SLC9A3: variants seen among roughly 807,000 people sequenced by gnomAD.
SLC9A3 encodes the protein solute carrier family 9 member A3.
A neutral mutation model predicts 86.8 loss-of-function variants in SLC9A3; 37 were observed. That is an observed-to-expected ratio of 0.43 (90% CI 0.33 to 0.56). The LOEUF (loss-of-function observed/expected upper bound fraction) is 0.56. Among genes scored for constraint, SLC9A3 ranks in the 20% least tolerant of loss-of-function variants. The probability of loss-of-function intolerance (pLI) is 0.06; values close to 1 mark genes in which losing one functional copy is unlikely to be tolerated. For synonymous variants in SLC9A3, 581 were observed against 528.3 expected, an observed-to-expected ratio of 1.10 and a Z score of -1.37; for missense variants, 1,011 against 1,171.9, an observed-to-expected ratio of 0.86 and a Z score of 2.00.
intron 6 of SLC9A3, 118 bp downstream of exon 6, chr5:483,144 C>T (rs934391708): frequency 7.5e-6 from 6 of 804,304 alleles, no homozygotes; most frequent in African/African-American, 5.2e-5. Flanking sequence ...AGGTCCTCTC[C>T]TCTGCCTTGC....
chr5:472,810 A>G lies in SLC9A3; in HGVS notation c.*569T>C. The stretch of plus-strand genomic sequence containing the variant: ...CGGGAGGTCCCTGAGTCGGTCCCCG[A>G]GTCAGTCCCCGGGCGCGGGGCTCGG... On this transcript the variant is annotated 3_prime_UTR_variant, in exon 17 of 17. Coordinates refer to ENST00000264938, the MANE Select transcript of SLC9A3 (RefSeq NM_004174.4). The G allele has an allele frequency of 1.8e-6, 1 of 567,740 alleles. No individual in the cohort carries two copies. The highest frequency in any genetic ancestry group is 3.3e-6 in the Non-Finnish European group (1 of 300,106). The allele number at this position is 567,740 out of a possible 1,614,324, so 35.2% of individuals were successfully genotyped here. A position where few individuals can be genotyped will look rare whatever the true frequency, so the allele number is the denominator to read the frequency against.
intron 1 of SLC9A3, among the ~76,000 whole-genome samples, chr5:493,151 C>G (rs1019519960): frequency 6.6e-6 from 1 of 151,674 alleles, no homozygotes; most frequent in Non-Finnish European, 1.5e-5. Flanking sequence ...TTCCTGCGCT[C>G]GGCCTGATTT....
rs541825112 is a variant in SLC9A3 at position 473,262 on chromosome 5, G to A, written c.*117C>T. On this transcript the variant is annotated 3_prime_UTR_variant, in exon 17 of 17. Coordinates refer to ENST00000264938, the MANE Select transcript of SLC9A3 (RefSeq NM_004174.4). Reference sequence around the variant, plus strand: ...TGGCGTGGGCGAGGCGGGGCTCGGGGCTCGCGGTCGCTGTAGCCGCGCGGG... The same window carrying A: ...TGGCGTGGGCGAGGCGGGGCTCGGGACTCGCGGTCGCTGTAGCCGCGCGGG... 16,870 of 1,125,796 alleles carry A rather than the reference G, an allele frequency of 0.015. 319 individuals carry two copies. The highest frequency in any genetic ancestry group is 0.063 in the Admixed American group (1,474 of 23,216). 69.7% of individuals were successfully genotyped at this position (1,125,796 alleles called of 1,614,324 possible).
Position 473,146 on chromosome 5 carries a change from G to GCCCCGCCCCCGGCGCAGA in SLC9A3, c.*232_*233insTCTGCGCCGGGGGCGGGG. The GCCCCGCCCCCGGCGCAGA allele has an allele frequency of 6.1e-6, 2 of 330,560 alleles. No homozygotes were observed. Among genetic ancestry groups the GCCCCGCCCCCGGCGCAGA allele is most frequent in the East Asian group, 5.8e-5 (1 of 17,200 alleles). The allele number at this position is 330,560 out of a possible 1,614,324, so 20.5% of individuals were successfully genotyped here. A position where few individuals can be genotyped will look rare whatever the true frequency, so the allele number is the denominator to read the frequency against. On this transcript the variant is annotated 3_prime_UTR_variant, in exon 17 of 17. Transcript: ENST00000264938. Reference sequence around the variant, plus strand: ...GCACTCGGCAGCCCTCGGCGCTCCGGCCCCGCCCCCGGCGCAGGCCCCGCC... The same window carrying GCCCCGCCCCCGGCGCAGA: ...GCACTCGGCAGCCCTCGGCGCTCCGGCCCCGCCCCCGGCGCAGACCCCGCCCCCGGCGCAGGCCCCGCC...
chr5:483,452 C>A lies in SLC9A3; in HGVS notation c.963G>T (p.Lys321Asn). ...GCTCCGAGATGTTGGCCTTCACATA[C>A]TTCTGACAGCAGATGCCACAGAAGG... ...AITFCGICCQ[K>N]YVKANISEQS... is the part of the protein sequence containing the mutation. Residue 321 changes from lysine to asparagine, a missense_variant, in exon 6 of 17, where the codon AAG becomes AAT. Transcript: ENST00000264938. 3 of 1,584,108 alleles carry A rather than the reference C, an allele frequency of 1.9e-6. No individual in the cohort carries two copies. The highest frequency in any genetic ancestry group is 1.3e-5 in the African/African-American group (1 of 74,460).
chr5:522,846 G>A (rs1733924288), intron 1 of SLC9A3, among the ~76,000 whole-genome samples: 1 of 152,110 alleles, frequency 6.6e-6, no homozygotes, highest in African/African-American at 2.4e-5. Context: ...GGCGGCCGCA[G>A]AGCCCAGGTT....
rs74925751 is a variant in SLC9A3, at chr5:497,975, G to C, written c.212-5904C>G. 6.6e-6 allele frequency among the ~76,000 whole-genome samples: 1 copy of C among 152,158 alleles called. No homozygotes were observed. Among genetic ancestry groups the C allele is most frequent in the Non-Finnish European group, 1.5e-5 (1 of 68,040 alleles). ...TGGTCAGCTATGAAGCCTTAGCCTC[G>C]CTTGTGGGAGTCCCTGCCTCACGGA... On this transcript the variant is annotated intron_variant, in intron 1 of 16. Coordinates refer to ENST00000264938, the MANE Select transcript of SLC9A3 (RefSeq NM_004174.4). The surrounding 1 kb of genome is among the most constrained non-coding windows in gnomAD (Gnocchi z 5.4).
At chr5:508,449 G>A (rs1157643797) in intron 1 of SLC9A3, among the ~76,000 whole-genome samples, 5 of 135,368 alleles carry the variant, frequency 3.7e-5, no homozygotes, top group African/African-American at 1.1e-4. Flanking sequence ...CCCATAGCGC[G>A]CCTGGGATGG....
At chr5:503,861 T>C (rs2126642413) in intron 1 of SLC9A3, among the ~76,000 whole-genome samples, 1 of 152,374 alleles carries the variant, frequency 6.6e-6, no homozygotes, top group East Asian at 1.9e-4. Context: ...TGGTTTCTCC[T>C]GAATCGGCGA....
At chr5:480,169 G>A (rs1199564523) in intron 9 of SLC9A3, 9 of 554,144 alleles carry the variant, frequency 1.6e-5, no homozygotes, top group East Asian at 9.6e-5. Context: ...GCCGTTAGAC[G>A]CATATGAAAC....
At position 482,114 on chromosome 5, in the gene SLC9A3, CT is replaced by C. The variant is rs764398382; in HGVS notation, c.1399del (p.Arg467GlyfsTer54). 6.2e-7 allele frequency: 1 copy of C among 1,610,616 alleles called. No individual in the cohort carries two copies. Among genetic ancestry groups the C allele is most frequent in the East Asian group, 2.2e-5 (1 of 44,674 alleles). The stretch of plus-strand genomic sequence containing the variant: ...GAGCCGAGGTTCCCGGTGCTCGCTC[CT>C]CTTCACCTTCAGCCACTGCACCAGA... ...KPLVQWLKVKRSEHREPRLNE... is the reference protein window; with the variant it reads ...KPLVQWLKVKXSEHREPRLNE... On this transcript the variant is annotated frameshift_variant, in exon 8 of 17. Coordinates refer to ENST00000264938, the MANE Select transcript of SLC9A3 (RefSeq NM_004174.4). LOFTEE classifies it high-confidence loss of function.
At chr5:476,512 G>T in intron 12 of SLC9A3, 31 bp downstream of exon 12, 3 of 1,607,220 alleles carry the variant, frequency 1.9e-6, no homozygotes, top group Non-Finnish European at 2.5e-6. Context: ...GTCCCTGCGG[G>T]GTCCTCCAGC....
chr5:509,630 C>A (rs952523564), intron 1 of SLC9A3, among the ~76,000 whole-genome samples: 6 of 152,268 alleles, frequency 3.9e-5, no homozygotes, highest in African/African-American at 1.2e-4. Context: ...GGCATCACCA[C>A]AGCCATTCCC....
At position 476,564 on chromosome 5, in the gene SLC9A3, G is replaced by A; in HGVS notation, c.1869C>T (p.Tyr623=). Residue 623 remains tyrosine, a synonymous_variant, in exon 12 of 17, where the codon TAC becomes TAT. Coordinates refer to ENST00000264938, the MANE Select transcript of SLC9A3 (RefSeq NM_004174.4). The part of the protein sequence containing the change: ...DMVTHHTLQQ[Y]LYKPRQEYKH... ...CCACCTCCTGCCGCGGCTTGTACAG[G>A]TACTGCTGTAGCGTGTGGTGCGTGA... 6.2e-7 allele frequency: 1 copy of A among 1,611,450 alleles called. No individual in the cohort carries two copies. The highest frequency in any genetic ancestry group is 8.5e-7 in the Non-Finnish European group (1 of 1,179,866).
chr5:492,659 CG>C (rs142937148), intron 1 of SLC9A3, among the ~76,000 whole-genome samples: 9 of 149,500 alleles, frequency 6.0e-5, no homozygotes, highest in East Asian at 2.0e-4. Context: ...GGACGGTGGT[CG>C]GGGGGGGGCC....
chr5:502,044 C>T (rs1426680227), intron 1 of SLC9A3, among the ~76,000 whole-genome samples: 2 of 152,282 alleles, frequency 1.3e-5, no homozygotes, highest in Non-Finnish European at 2.9e-5. Flanking sequence ...GCTCAAGTCA[C>T]AAGGCGTTTT....
At chr5:514,828 C>T (rs1312583695) in intron 1 of SLC9A3, among the ~76,000 whole-genome samples, 1 of 152,246 alleles carries the variant, frequency 6.6e-6, no homozygotes, top group Admixed American at 6.5e-5. Context: ...AGGCGGTGAG[C>T]CTGCAGGTTC....
intron 1 of SLC9A3, among the ~76,000 whole-genome samples, chr5:507,143 A>AAGG (rs559826165): frequency 4.7e-4 from 65 of 139,630 alleles, no homozygotes; most frequent in African/African-American, 1.7e-3. Context: ...GTCAGGTAAG[A>AAGG]AGGAGGGATC....
At chr5:494,315 G>C (rs953256130) in intron 1 of SLC9A3, among the ~76,000 whole-genome samples, 1 of 152,238 alleles carries the variant, frequency 6.6e-6, no homozygotes, top group Non-Finnish European at 1.5e-5. Flanking sequence ...CCTGGTCCCT[G>C]TGGTGGCCAG....
Sources: gnomAD v4.1 joint callset for allele counts (sites outside exome capture counted in the v4.1 genomes callset) on GRCh38, gnomAD v4.1.1 for gene constraint, Gnocchi (gnomAD v3.1) non-coding constraint, MANE v1.5 for transcripts, NCBI Gene and HGNC (gene_info 2026-07-23, HGNC 2026-07-21) for gene names.